Variants in MACROD2 observed in about 807,000 individuals in gnomAD.
The protein encoded by MACROD2 is mono-ADP ribosylhydrolase 2.
Under a neutral mutation model 70.4 loss-of-function variants are expected in MACROD2, and 36 were observed. The ratio of observed to expected loss-of-function variants is 0.51; its 90% CI spans 0.39 to 0.68. MACROD2 has a LOEUF of 0.68. MACROD2 is among the 30% of genes least tolerant of loss of function. The pLI is 0.00. For synonymous variants in MACROD2, 172 were observed against 178.8 expected (o/e 0.96, Z 0.30); for missense variants, 496 against 538.4 (o/e 0.92, Z 0.78).
At chr20:15,797,539 G>A (rs2063686249) in intron 8 of MACROD2, among the ~76,000 whole-genome samples, 2 of 152,094 alleles carry the variant, frequency 1.3e-5, no homozygotes, top group South Asian at 4.1e-4. Context: ...TTTTTTATCA[G>A]CAAAGTAAAA....
chr20:15,507,220 T>G (rs535747013), intron 8 of MACROD2, among the ~76,000 whole-genome samples: 1 of 151,446 alleles, frequency 6.6e-6, no homozygotes, highest in African/African-American at 2.5e-5. Context: ...TACCTCTTTA[T>G]TTTTCTCTCC....
intron 5 of MACROD2, among the ~76,000 whole-genome samples, chr20:15,119,174 G>T (rs1272856836): frequency 1.3e-5 from 2 of 152,188 alleles, no homozygotes; most frequent in Non-Finnish European, 2.9e-5. Context: ...GGCCCATAGA[G>T]ATTGATACTT....
chr20:14,358,555 C>G (rs1470279995), intron 3 of MACROD2, among the ~76,000 whole-genome samples: 1 of 152,106 alleles, frequency 6.6e-6, no homozygotes, highest in Non-Finnish European at 1.5e-5. Context: ...CTCCCTGGTT[C>G]AAGTGATTCT....
At chr20:14,835,604 A>G (rs756899534) in intron 5 of MACROD2, among the ~76,000 whole-genome samples, 1 of 152,076 alleles carries the variant, frequency 6.6e-6, no homozygotes, top group Non-Finnish European at 1.5e-5. Context: ...CACAGTGCCT[A>G]TGGGACTGAC....
At chr20:14,592,067 G>A (rs538559573) in intron 4 of MACROD2, among the ~76,000 whole-genome samples, 83 of 152,254 alleles carry the variant, frequency 5.5e-4, no homozygotes, top group African/African-American at 1.8e-3. Context: ...TAGGAATGCA[G>A]AGGGCATGAC....
chr20:15,737,477 A>G (rs1284013299), intron 8 of MACROD2, among the ~76,000 whole-genome samples: 1 of 152,226 alleles, frequency 6.6e-6, no homozygotes, highest in East Asian at 1.9e-4. Flanking sequence ...TCTGTGTACC[A>G]GGGATATGGT....
intron 5 of MACROD2, among the ~76,000 whole-genome samples, chr20:15,018,666 G>A (rs1600953984): frequency 6.6e-6 from 1 of 152,214 alleles, no homozygotes; most frequent in South Asian, 2.1e-4. Context: ...ATCCTAAAGG[G>A]CTAGGCCCGT....
At chr20:15,042,265 T>C (rs115502569) in intron 5 of MACROD2, among the ~76,000 whole-genome samples, 2,232 of 152,276 alleles carry the variant, frequency 0.015, 73 homozygotes, top group African/African-American at 0.05. Flanking sequence ...GTATAAATCC[T>C]AAGAGTTTCT....
intron 5 of MACROD2, among the ~76,000 whole-genome samples, chr20:14,788,237 A>T (rs989315174): frequency 6.6e-6 from 1 of 152,200 alleles, no homozygotes; most frequent in South Asian, 2.1e-4. Flanking sequence ...GACTTGCTGC[A>T]GCCTCTGGGG....
chr20:14,040,056 CT>C (rs2053371188), intron 2 of MACROD2, among the ~76,000 whole-genome samples: 1 of 152,036 alleles, frequency 6.6e-6, no homozygotes, highest in Non-Finnish European at 1.5e-5. Flanking sequence ...TCTGGGGAAC[CT>C]TTCAATAGGG....
chr20:15,647,041 C>T (rs999549725), intron 8 of MACROD2, among the ~76,000 whole-genome samples: 3 of 152,204 alleles, frequency 2.0e-5, no homozygotes, highest in East Asian at 3.8e-4. Flanking sequence ...TTTACTTAAT[C>T]ATTTATTCAT....
At chr20:15,095,018 C>T (rs1953046676) in intron 5 of MACROD2, among the ~76,000 whole-genome samples, 1 of 149,080 alleles carries the variant, frequency 6.7e-6, no homozygotes, top group Non-Finnish European at 1.5e-5. Flanking sequence ...ACAGTGAGAC[C>T]ATGGGAGTCA....
intron 6 of MACROD2, among the ~76,000 whole-genome samples, chr20:15,283,423 T>G (rs1288262707): frequency 6.6e-6 from 1 of 152,124 alleles, no homozygotes; most frequent in Non-Finnish European, 1.5e-5. Context: ...CTGTAATCCC[T>G]GCCCTTTGGG....
intron 10 of MACROD2, among the ~76,000 whole-genome samples, chr20:15,918,412 C>T (rs746303473): frequency 1.3e-5 from 2 of 152,094 alleles, no homozygotes; most frequent in South Asian, 2.1e-4. Context: ...TTCATGTGAT[C>T]GGGAAAACTT....
At chr20:15,933,935 G>A (rs1264875340) in intron 11 of MACROD2, among the ~76,000 whole-genome samples, 6 of 152,046 alleles carry the variant, frequency 3.9e-5, no homozygotes, top group Non-Finnish European at 5.9e-5. Context: ...ATTCCACACC[G>A]TAGATTATAA....
chr20:14,248,653 A>G (rs968705246), intron 3 of MACROD2, among the ~76,000 whole-genome samples: 1 of 152,018 alleles, frequency 6.6e-6, no homozygotes, highest in African/African-American at 2.4e-5. Flanking sequence ...TAAAATGCAT[A>G]TAAAGCATAA....
intron 5 of MACROD2, among the ~76,000 whole-genome samples, chr20:15,088,457 TTG>T (rs199851966): frequency 5.4e-4 from 67 of 123,470 alleles, no homozygotes; most frequent in African/African-American, 1.4e-3. Context: ...ATATAATATT[TTG>T]TGTGTGTGTG....
chr20:15,800,631 G>A lies in MACROD2; in HGVS notation c.646-62114G>A, dbSNP rs528657739. On this transcript the variant is annotated intron_variant, in intron 8 of 17. Transcript: ENST00000684519. Reference sequence around the variant, plus strand: ...AGGTGAGGGGCGCCTCTGCCCGGCCGCCCCTACTGGGAAGCGAGGAGCCCC... The same window carrying A: ...AGGTGAGGGGCGCCTCTGCCCGGCCACCCCTACTGGGAAGCGAGGAGCCCC... Among the ~76,000 whole-genome samples, 4 of 152,112 alleles carry A rather than the reference G, an allele frequency of 2.6e-5. No homozygotes were observed. The East Asian group carries it at 5.8e-4, about 22-fold the overall frequency.
chr20:15,919,075 T>C (rs943185701), intron 10 of MACROD2, among the ~76,000 whole-genome samples: 1 of 152,190 alleles, frequency 6.6e-6, no homozygotes. Context: ...GCCTGATATA[T>C]TTTTTACCAA....
Sources: gnomAD v4.1 joint callset for allele counts (sites outside exome capture counted in the v4.1 genomes callset) on GRCh38, gnomAD v4.1.1 for gene constraint, MANE v1.5 for transcripts, NCBI Gene and HGNC (gene_info 2026-07-23, HGNC 2026-07-21) for gene names.